Variants in SH3KBP1 observed in about 807,000 individuals in gnomAD.
The protein encoded by SH3KBP1 is SH3 domain-containing kinase-binding protein 1.
A neutral mutation model predicts 50.1 loss-of-function variants in SH3KBP1; 8 were observed. The ratio of observed to expected loss-of-function variants is 0.16; its 90% CI spans 0.09 to 0.29. The LOEUF (loss-of-function observed/expected upper bound fraction) is 0.29, where lower values mean the gene tolerates loss of function less well. Among genes scored for constraint, SH3KBP1 ranks in the 10% least tolerant of loss-of-function variants. SH3KBP1 has a pLI of 1.00. For synonymous variants in SH3KBP1, 227 were observed against 218.6 expected, an observed-to-expected ratio of 1.04 and a Z score of -0.34; for missense variants, 377 against 535.2, an observed-to-expected ratio of 0.70 and a Z score of 2.92.
At chrX:19,629,229 G>A (rs1358299577) in intron 8 of SH3KBP1, among the ~76,000 whole-genome samples, 1 of 110,878 alleles carries the variant, frequency 9.0e-6, no homozygotes, top group Non-Finnish European at 1.9e-5. Flanking sequence ...GGGGATATAC[G>A]GGGGGTACCT....
chrX:19,762,862 G>C (rs911905965), intron 2 of SH3KBP1, among the ~76,000 whole-genome samples: 5 of 112,121 alleles, frequency 4.5e-5, no homozygotes, highest in Admixed American at 9.4e-5. Context: ...CTGTTTCTGA[G>C]ATCTGGCAAA....
Position 19,715,029 on chromosome X carries a change from T to C in SH3KBP1, c.287-8045A>G, listed in dbSNP as rs765956238. Among the ~76,000 whole-genome samples, 3 of 111,473 alleles carry C rather than the reference T, an allele frequency of 2.7e-5. No homozygotes were observed. The South Asian group carries it at 1.1e-3, about 41-fold the overall frequency. On this transcript the variant is annotated intron_variant, in intron 3 of 17. Transcript: ENST00000397821. ...TGACTCACACCTGTAATCCCAGCAC[T>C]TTGGGAGGCCAAGGCAGGAAGATCA...
At chrX:19,545,629 T>C (rs1167521349) in intron 15 of SH3KBP1, among the ~76,000 whole-genome samples, 1 of 111,915 alleles carries the variant, frequency 8.9e-6, no homozygotes, top group Non-Finnish European at 1.9e-5. Context: ...GTTCTGGTTG[T>C]GGTGATGGTG....
chrX:19,731,162 C>T (rs1234608711), intron 3 of SH3KBP1, among the ~76,000 whole-genome samples: 2 of 111,908 alleles, frequency 1.8e-5, no homozygotes, highest in Non-Finnish European at 3.8e-5. Context: ...TGATCTCGAA[C>T]TCCTGACCTC....
At chrX:19,559,262 ACT>A (rs1216716506) in intron 13 of SH3KBP1, among the ~76,000 whole-genome samples, 2 of 56,482 alleles carry the variant, frequency 3.5e-5, no homozygotes, top group African/African-American at 1.8e-4. Flanking sequence ...ACAGAGTGAG[ACT>A]CTGTCTCACC....
In SH3KBP1 at chrX:19,536,237, G is replaced by C. The variant is rs913582324; in HGVS notation, c.*180C>G. The C allele has an allele frequency of 1.6e-5, 6 of 374,807 alleles. No individual in the cohort carries two copies. The highest frequency in any genetic ancestry group is 1.6e-4 in the African/African-American group (6 of 38,243). 30.9% of individuals were successfully genotyped at this position (374,807 alleles called of 1,213,427 possible). On this transcript the variant is annotated 3_prime_UTR_variant, in exon 18 of 18. Coordinates refer to ENST00000397821, the MANE Select transcript of SH3KBP1 (RefSeq NM_031892.3). ...TGCCAGCCCCAGGACTAAACCCTGG[G>C]GAAGATTCTCCTCTTGGATGGAATT...
chrX:19,783,771 A>G (rs1331435520), intron 2 of SH3KBP1, among the ~76,000 whole-genome samples: 1 of 112,167 alleles, frequency 8.9e-6, no homozygotes, highest in Non-Finnish European at 1.9e-5. Flanking sequence ...ACACACACAA[A>G]AATCCTCACC....
At chrX:19,691,298 C>T (rs2063279892) in intron 5 of SH3KBP1, among the ~76,000 whole-genome samples, 1 of 103,554 alleles carries the variant, frequency 9.7e-6, no homozygotes, top group Non-Finnish European at 2.0e-5. Context: ...CTCGCACGCA[C>T]GCACGCATGC....
intron 1 of SH3KBP1, among the ~76,000 whole-genome samples, chrX:19,862,239 G>A (rs1261563798): frequency 8.9e-6 from 1 of 112,210 alleles, no homozygotes; most frequent in Admixed American, 9.5e-5. Context: ...AGAATTGTGT[G>A]AGCTGAACCA....
At chrX:19,554,413 T>TCATATTAAAATATGA (rs1569279659) in intron 13 of SH3KBP1, among the ~76,000 whole-genome samples, 1 of 100,793 alleles carries the variant, frequency 9.9e-6, no homozygotes, top group African/African-American at 3.6e-5. Flanking sequence ...ATATTATATA[T>TCATATTAAAATATGA]TTTTTTGAGA....
At chrX:19,804,882 A>ACCCCCCCCCCCCCCCCCCCCC (rs1171123464) in intron 2 of SH3KBP1, among the ~76,000 whole-genome samples, 3 of 17,380 alleles carry the variant, frequency 1.7e-4, no homozygotes, top group Admixed American at 7.8e-4. Flanking sequence ...CCCAAACCCT[A>ACCCCCCCCCCCCCCCCCCCCC]CCCCCCCCCC....
chrX:19,807,971 G>A (rs183413061), intron 2 of SH3KBP1, among the ~76,000 whole-genome samples: 3 of 111,949 alleles, frequency 2.7e-5, no homozygotes, highest in Non-Finnish European at 3.8e-5. Context: ...GTTGAGCTGC[G>A]TTGAGGTTTG....
chrX:19,861,432 A>G (rs2068775645), intron 1 of SH3KBP1, among the ~76,000 whole-genome samples: 1 of 111,210 alleles, frequency 9.0e-6, no homozygotes, highest in Admixed American at 9.5e-5. Flanking sequence ...AGCAATCCAC[A>G]CTAAAAAAGA....
intron 13 of SH3KBP1, among the ~76,000 whole-genome samples, chrX:19,554,976 T>C (rs909538792): frequency 3.5e-5 from 4 of 112,784 alleles, no homozygotes; most frequent in Non-Finnish European, 7.5e-5. Flanking sequence ...GCTGTGGCCA[T>C]GGTAGCTGCG....
rs145990483 is a variant in SH3KBP1, at chrX:19,644,176, T to C, written c.802+1224A>G. ...CCCCAGAATTACTCTAAAACTATACTGTCCACAGGGAGTAGGCAGACAGTT... is the reference window on the plus strand; with the variant it reads ...CCCCAGAATTACTCTAAAACTATACCGTCCACAGGGAGTAGGCAGACAGTT... On this transcript the variant is annotated intron_variant, in intron 7 of 17. Coordinates refer to ENST00000397821, the MANE Select transcript of SH3KBP1 (RefSeq NM_031892.3). Among the ~76,000 whole-genome samples, 766 of 110,992 alleles carry C rather than the reference T, an allele frequency of 6.9e-3. 5 individuals carry two copies. Among genetic ancestry groups the C allele is most frequent in the Non-Finnish European group, 9.4e-3 (500 of 52,960 alleles).
At chrX:19,537,809 C>T in intron 16 of SH3KBP1, 29 bp from the exon 17 acceptor site, 1 of 1,134,629 alleles carries the variant, frequency 8.8e-7, no homozygotes, top group Admixed American at 2.2e-5. Context: ...TGAAATTAAC[C>T]AAAATCCCAG....
At chrX:19,791,985 C>T (rs2066545614) in intron 2 of SH3KBP1, among the ~76,000 whole-genome samples, 2 of 111,233 alleles carry the variant, frequency 1.8e-5, no homozygotes, top group Admixed American at 1.9e-4. Flanking sequence ...CAATATCTTA[C>T]TCAATGGATA....
chrX:19,799,856 T>A (rs1157231664), intron 2 of SH3KBP1: 18 of 993,945 alleles, frequency 1.8e-5, no homozygotes, highest in Middle Eastern at 2.7e-4. Flanking sequence ...CTCACACTGG[T>A]GGTTTTTTTG....
At chrX:19,765,893 T>C (rs994610749) in intron 2 of SH3KBP1, among the ~76,000 whole-genome samples, 1 of 112,101 alleles carries the variant, frequency 8.9e-6, no homozygotes, top group Non-Finnish European at 1.9e-5. Flanking sequence ...AGAATTTCCT[T>C]CTTTTGAGGC....
Sources: allele counts gnomAD v4.1 joint callset (sites outside exome capture counted in the v4.1 genomes callset), GRCh38; gene constraint gnomAD v4.1.1; transcripts MANE v1.5; gene names NCBI Gene and HGNC (gene_info 2026-07-23, HGNC 2026-07-21).